The following BNIP5 variants were observed in gnomAD, a reference collection of about 807,000 sequenced individuals.
The protein encoded by BNIP5 is protein BNIP5.
In BNIP5, 61 loss-of-function variants were observed where a neutral mutation model predicts 67.3. The ratio of observed to expected loss-of-function variants is 0.91; its 90% CI spans 0.74 to 1.12. The LOEUF (loss-of-function observed/expected upper bound fraction) is 1.12. BNIP5 is among the 50% of genes most tolerant of loss of function. The pLI is 0.00. For missense variants in BNIP5, 826 were observed against 816.3 expected (o/e 1.01, Z -0.14); for synonymous variants, 317 against 319.0 (o/e 0.99, Z 0.07).
At position 36,327,138 on chromosome 6, in the gene BNIP5, T is replaced by G. The variant is rs6923009; in HGVS notation, c.728-44A>C. The G allele has an allele frequency of 5.2e-6, 8 of 1,528,690 alleles. No homozygotes were observed. In the African/African-American group the frequency reaches 5.4e-5, roughly 10 times the overall value. 94.7% of individuals were successfully genotyped at this position (1,528,690 alleles called of 1,614,324 possible). A position where few individuals can be genotyped will look rare whatever the true frequency, so the allele number is the denominator to read the frequency against. On this transcript the variant is annotated intron_variant, in intron 3 of 11. Transcript: ENST00000437635. Reference sequence around the variant, plus strand: ...ATCCGGTTATTCTTTCTAAATGCACTGACAACTCCTTCTAAATTACCATCT... The same window carrying G: ...ATCCGGTTATTCTTTCTAAATGCACGGACAACTCCTTCTAAATTACCATCT...
Position 36,320,032 on chromosome 6 carries a change from C to T in BNIP5, c.1669-422G>A, listed in dbSNP as rs561357170. Reference sequence around the variant, plus strand: ...AAGTATCCACCCAACCCCAGGATTGCTGGGCGGGGATTGGAGGGGTGGGGA... The same window carrying T: ...AAGTATCCACCCAACCCCAGGATTGTTGGGCGGGGATTGGAGGGGTGGGGA... On this transcript the variant is annotated intron_variant, in intron 10 of 11. Transcript: ENST00000437635. Among the ~76,000 whole-genome samples the T allele has an allele frequency of 9.5e-4, 145 of 152,268 alleles. 1 individual carries two copies. The highest frequency in any genetic ancestry group is 3.4e-3 in the African/African-American group (141 of 41,550).
At position 36,330,583 on chromosome 6, in the gene BNIP5, C is replaced by T. The variant is rs199699071; in HGVS notation, c.108G>A (p.Trp36Ter). The T allele has an allele frequency of 1.2e-6, 2 of 1,613,278 alleles. No individual in the cohort carries two copies. The highest frequency in any genetic ancestry group is 1.7e-6 in the Non-Finnish European group (2 of 1,180,026). Residue 36 changes from tryptophan (W) to a stop codon, truncating the protein, a stop_gained, in exon 2 of 12, where the codon TGG becomes TGA. Coordinates refer to ENST00000437635, the MANE Select transcript of BNIP5 (RefSeq NM_001010903.5). LOFTEE classifies it high-confidence loss of function. Reference protein sequence around the residue: ...GKGSESWDCHWLSLPTAPSRK... With the variant: ...GKGSESWDCH ...TGGAGGGGGCAGTGGGCAGGGAGAG[C>T]CAATGGCAGTCCCACGACTCCGAGC... is the stretch of plus-strand genomic sequence containing the variant.
In BNIP5 at chr6:36,326,586, C is replaced by T. The variant is rs1235697952; in HGVS notation, c.960G>A (p.Glu320=). 5.0e-6 allele frequency: 8 copies of T among 1,614,256 alleles called. No individual in the cohort carries two copies. The highest frequency in any genetic ancestry group is 6.8e-6 in the Non-Finnish European group (8 of 1,180,052). The change falls in exon 5 of 12, where the codon GAG becomes GAA. Residue 320 remains glutamate (E), a synonymous_variant. Coordinates refer to ENST00000437635, the MANE Select transcript of BNIP5 (RefSeq NM_001010903.5). ...AGCTGGACTTCTTGGGTGGCCAGGC[C>T]TCTGGACTGGAAACATCTGCAGCCC... ...KRGAADVSSP[E]AWPPKKSSFL... is the part of the protein sequence containing the mutation.
intron 5 of BNIP5, 32 bp downstream of exon 5, chr6:36,326,478 G>A (rs757925007): frequency 3.1e-6 from 5 of 1,612,520 alleles, no homozygotes; most frequent in African/African-American, 1.3e-5. Context: ...GGCAGCTGCA[G>A]GGTTGCTATG....
At chr6:36,324,645 A>G (rs1387655226) in intron 6 of BNIP5, among the ~76,000 whole-genome samples, 5 of 68,870 alleles carry the variant, frequency 7.3e-5, no homozygotes, top group African/African-American at 2.7e-4. Flanking sequence ...ATATATATAT[A>G]TATGTTTCTA....
chr6:36,324,017 G>T, intron 7 of BNIP5, 112 bp downstream of exon 7: 1 of 762,680 alleles, frequency 1.3e-6, no homozygotes, highest in South Asian at 1.6e-5. Flanking sequence ...AAAAAAAAAG[G>T]AGGGACTGGA....
At chr6:36,324,471 G>A (rs1002772013) in intron 6 of BNIP5, among the ~76,000 whole-genome samples, 1 of 150,036 alleles carries the variant, frequency 6.7e-6, no homozygotes. Context: ...TGTCCAGGCA[G>A]AATTTCCCTT....
chr6:36,325,420 A>G lies in BNIP5; in HGVS notation c.1037-6T>C. On this transcript the variant is annotated splice_polypyrimidine_tract_variant and splice_region_variant and intron_variant, in intron 5 of 11. Transcript: ENST00000437635. ...GACTTTAGGTTCTTCCAAGCCTGAG[A>G]AGCAGAAGGAGAACGAGGGTGTGTT... 6.2e-7 allele frequency: 1 copy of G among 1,607,232 alleles called. No homozygotes were observed. Among genetic ancestry groups the G allele is most frequent in the Non-Finnish European group, 8.5e-7 (1 of 1,177,278 alleles).
intron 7 of BNIP5, 44 bp from the exon 8 acceptor site, chr6:36,323,577 G>A (rs186542814): frequency 9.3e-5 from 150 of 1,609,958 alleles, no homozygotes; most frequent in Middle Eastern, 1.8e-4. Context: ...CCCTGACCTT[G>A]AGGAGATCTC....
At chr6:36,320,038 G>A (rs1486937403) in intron 10 of BNIP5, among the ~76,000 whole-genome samples, 2 of 152,198 alleles carry the variant, frequency 1.3e-5, no homozygotes, top group African/African-American at 2.4e-5. Flanking sequence ...ATTGCTGGGC[G>A]GGGATTGGAG....
intron 4 of BNIP5, 72 bp downstream of exon 4, chr6:36,326,958 A>G: frequency 1.4e-6 from 2 of 1,467,272 alleles, no homozygotes; most frequent in Non-Finnish European, 1.9e-6. Context: ...CTGCAAGGAC[A>G]GGTGGAGCTT....
Position 36,317,245 on chromosome 6 carries a change from T to A in BNIP5, c.*111A>T. 1 of 862,094 alleles carries A rather than the reference T, an allele frequency of 1.2e-6. No individual in the cohort carries two copies. Among genetic ancestry groups the A allele is most frequent in the Non-Finnish European group, 2.0e-6 (1 of 494,090 alleles). 53.4% of individuals were successfully genotyped at this position (862,094 alleles called of 1,614,324 possible). ...AATGATTGTCTGCTCTTGTCTTCCA[T>A]CACGTTTGTGAAGCAGGGATTGGGA... On this transcript the variant is annotated 3_prime_UTR_variant, in exon 12 of 12. Coordinates refer to ENST00000437635, the MANE Select transcript of BNIP5 (RefSeq NM_001010903.5).
Position 36,317,146 on chromosome 6 carries a change from C to T in BNIP5, c.*210G>A, listed in dbSNP as rs2127360839. On this transcript the variant is annotated 3_prime_UTR_variant, in exon 12 of 12. Transcript: ENST00000437635. ...TCATTCCCAGTCCAGTGCTGATTTC[C>T]CCAGACATGGCCTCTGTGTCTTGCC... 1.6e-6 allele frequency: 1 copy of T among 607,534 alleles called. No homozygotes were observed. Among genetic ancestry groups the T allele is most frequent in the African/African-American group, 1.9e-5 (1 of 54,002 alleles). 37.6% of individuals were successfully genotyped at this position (607,534 alleles called of 1,614,324 possible).
intron 7 of BNIP5, among the ~76,000 whole-genome samples, 156 bp from the exon 8 acceptor site, chr6:36,323,689 C>A (rs112454079): frequency 5.3e-5 from 8 of 152,080 alleles, no homozygotes; most frequent in African/African-American, 1.4e-4. Context: ...CTGGAGGGGG[C>A]TGGGGAAGCT....
In BNIP5 at chr6:36,317,057, G is replaced by T; in HGVS notation, c.*299C>A. On this transcript the variant is annotated 3_prime_UTR_variant, in exon 12 of 12. Transcript: ENST00000437635. Reference sequence around the variant, plus strand: ...AGACTCCAAAGTCTGGAGAGGAGGGGGAATGTGTAGAGGGTCATGCAGCAA... The same window carrying T: ...AGACTCCAAAGTCTGGAGAGGAGGGTGAATGTGTAGAGGGTCATGCAGCAA... The T allele has an allele frequency of 2.1e-6, 1 of 469,182 alleles. No individual in the cohort carries two copies. Among genetic ancestry groups the T allele is most frequent in the Middle Eastern group, 5.4e-4 (1 of 1,866 alleles). The allele number at this position is 469,182 out of a possible 1,614,324, so 29.1% of individuals were successfully genotyped here. A position where few individuals can be genotyped will look rare whatever the true frequency, so the allele number is the denominator to read the frequency against.
intron 10 of BNIP5, among the ~76,000 whole-genome samples, chr6:36,320,874 G>T (rs7769503): frequency 0.1 from 15,422 of 152,236 alleles, 1,259 homozygotes; most frequent in East Asian, 0.38. Flanking sequence ...AACTTCAATA[G>T]CTGATTTGGA....
At position 36,328,621 on chromosome 6, in the gene BNIP5, TC is replaced by T. The variant is rs776749623; in HGVS notation, c.703del (p.Glu235LysfsTer15). The T allele has an allele frequency of 1.1e-5, 17 of 1,613,574 alleles. No homozygotes were observed. The highest frequency in any genetic ancestry group is 1.4e-5 in the Non-Finnish European group (16 of 1,179,588). ...ACGGTCAGGCTTTTTGAGCTCCTCT[TC>T]TTGCTGATGACCTGTGGCATGGGGA... ...VSPHATGHQQEEELKKPDQDA... is the reference protein window; with the variant it reads ...VSPHATGHQQXEELKKPDQDA... On this transcript the variant is annotated frameshift_variant, in exon 3 of 12. Coordinates refer to ENST00000437635, the MANE Select transcript of BNIP5 (RefSeq NM_001010903.5). LOFTEE classifies it high-confidence loss of function.
Position 36,316,746 on chromosome 6 carries a change from G to A in BNIP5, c.*610C>T. 2.5e-6 allele frequency: 1 copy of A among 398,784 alleles called. No homozygotes were observed. The allele number at this position is 398,784 out of a possible 1,614,324, so 24.7% of individuals were successfully genotyped here. A position where few individuals can be genotyped will look rare whatever the true frequency, so the allele number is the denominator to read the frequency against. On this transcript the variant is annotated 3_prime_UTR_variant, in exon 12 of 12. Transcript: ENST00000437635. ...TATCAGCTCCATTTCTCTAGTCATA[G>A]AATGACAGGACACAGGGTTAGAAGG...
chr6:36,331,063 CA>C (rs1771895459), intron 1 of BNIP5, among the ~76,000 whole-genome samples: 1 of 152,206 alleles, frequency 6.6e-6, no homozygotes, highest in Non-Finnish European at 1.5e-5. Context: ...CTCGCCCGGC[CA>C]AACAGCTCCC....
Sources: gnomAD v4.1 joint callset for allele counts (sites outside exome capture counted in the v4.1 genomes callset) on GRCh38, gnomAD v4.1.1 for gene constraint, MANE v1.5 for transcripts, NCBI Gene and HGNC (gene_info 2026-07-23, HGNC 2026-07-21) for gene names.